Variants in LSAMP observed in about 807,000 individuals in gnomAD.
LSAMP encodes the protein limbic system-associated membrane protein.
A neutral mutation model predicts 38.6 loss-of-function variants in LSAMP; 7 were observed. The ratio of observed to expected loss-of-function variants is 0.18; its 90% confidence interval spans 0.10 to 0.34. The LOEUF (loss-of-function observed/expected upper bound fraction) is 0.34, where lower values mean the gene tolerates loss of function less well. Ranked by LOEUF, LSAMP falls within the 10% of genes least tolerant of loss-of-function variation. The pLI is 1.00. For synonymous variants in LSAMP, 154 were observed against 166.8 expected (o/e 0.92, Z 0.59); for missense variants, 313 against 420.0 (o/e 0.75, Z 2.23).
chr3:116,349,770 G>A (rs1031791077), intron 1 of LSAMP, among the ~76,000 whole-genome samples: 2 of 151,952 alleles, frequency 1.3e-5, no homozygotes, highest in Non-Finnish European at 2.9e-5. Context: ...TTCCAATGAG[G>A]CAACGATGGT....
chr3:116,039,211 T>G (rs1384060423), intron 2 of LSAMP, among the ~76,000 whole-genome samples: 2 of 152,212 alleles, frequency 1.3e-5, no homozygotes, highest in East Asian at 1.9e-4. Flanking sequence ...TGTTTTCACA[T>G]AAGCAAATCT....
chr3:116,428,359 G>A (rs1448660088), intron 1 of LSAMP, among the ~76,000 whole-genome samples: 1 of 152,144 alleles, frequency 6.6e-6, no homozygotes, highest in African/African-American at 2.4e-5. Context: ...TCAGGAGGCT[G>A]AGGCAGGAGA....
intron 1 of LSAMP, among the ~76,000 whole-genome samples, chr3:116,162,689 T>G (rs1313681117): frequency 4.0e-5 from 6 of 149,386 alleles, no homozygotes; most frequent in African/African-American, 1.5e-4. Context: ...TCTCTCTCTC[T>G]CTCTCTATAT....
rs950782687 is a variant in LSAMP at position 115,806,672 on chromosome 3, G to T, written c.*3645C>A. On this transcript the variant is annotated 3_prime_UTR_variant, in exon 7 of 7. Transcript: ENST00000490035. ...ACTATGTAGTAAAAAAATGCCCATG[G>T]CAAGCGAGAAGTCTGTCTGACTTGG... is the stretch of plus-strand genomic sequence containing the variant. 4 of 152,178 alleles carry T rather than the reference G, an allele frequency of 2.6e-5. No homozygotes were observed. Among genetic ancestry groups the T allele is most frequent in the African/African-American group, 9.7e-5 (4 of 41,430 alleles). The allele number at this position is 152,178 out of a possible 1,614,324, so 9.4% of individuals were successfully genotyped here.
intron 1 of LSAMP, among the ~76,000 whole-genome samples, chr3:116,115,634 A>C (rs1708723695): frequency 6.6e-6 from 1 of 152,106 alleles, no homozygotes; most frequent in Non-Finnish European, 1.5e-5. Context: ...TATTTTATGA[A>C]TTTTGTATCT....
chr3:115,990,456 G>C (rs1488968281), intron 3 of LSAMP, among the ~76,000 whole-genome samples: 3 of 152,028 alleles, frequency 2.0e-5, no homozygotes, highest in Non-Finnish European at 2.9e-5. Flanking sequence ...CTGTGACCTA[G>C]TAGTAGGCAT....
chr3:116,003,239 T>C (rs555474945), intron 3 of LSAMP, among the ~76,000 whole-genome samples: 1 of 152,326 alleles, frequency 6.6e-6, no homozygotes, highest in African/African-American at 2.4e-5. Context: ...AAATGTAGGT[T>C]AGCCTACTTC....
At chr3:115,922,598 T>C (rs190801092) in intron 3 of LSAMP, among the ~76,000 whole-genome samples, 372 of 152,260 alleles carry the variant, frequency 2.4e-3, no homozygotes, top group African/African-American at 8.5e-3. Flanking sequence ...CCTTGGGCCA[T>C]GTTTTCTTGT....
chr3:115,915,725 C>T (rs549632728), intron 3 of LSAMP, among the ~76,000 whole-genome samples: 10 of 152,058 alleles, frequency 6.6e-5, no homozygotes, highest in East Asian at 3.9e-4. Context: ...TTCCGCCTCC[C>T]GGGTTCAAGC....
At chr3:116,102,082 T>G (rs1054779020) in intron 1 of LSAMP, among the ~76,000 whole-genome samples, 1 of 152,146 alleles carries the variant, frequency 6.6e-6, no homozygotes, top group Non-Finnish European at 1.5e-5. Flanking sequence ...TAGCAATTAT[T>G]TTTTCCTGTA....
chr3:116,051,097 C>T (rs954096705), intron 2 of LSAMP: 5 of 152,098 alleles, frequency 3.3e-5, no homozygotes, highest in African/African-American at 1.2e-4. Flanking sequence ...TTTTCCCCTC[C>T]AGAGGTAATG....
chr3:115,857,069 A>G (rs1935528988), intron 3 of LSAMP, among the ~76,000 whole-genome samples: 2 of 152,136 alleles, frequency 1.3e-5, no homozygotes, highest in African/African-American at 4.8e-5. Context: ...TCTGCTGTTG[A>G]AGGACTGCAC....
At chr3:116,011,795 TA>T (rs1283345303) in intron 3 of LSAMP, among the ~76,000 whole-genome samples, 1 of 152,230 alleles carries the variant, frequency 6.6e-6, no homozygotes, top group Non-Finnish European at 1.5e-5. Context: ...GGATCATTCT[TA>T]CCTTTCTGGC....
chr3:115,916,044 AT>A (rs909420783), intron 3 of LSAMP, among the ~76,000 whole-genome samples: 1 of 151,694 alleles, frequency 6.6e-6, no homozygotes, highest in African/African-American at 2.4e-5. Flanking sequence ...CATGAGTGAG[AT>A]TTTTTTTTAC....
At chr3:116,277,950 A>G (rs1228071814) in intron 1 of LSAMP, among the ~76,000 whole-genome samples, 1 of 152,226 alleles carries the variant, frequency 6.6e-6, no homozygotes, top group African/African-American at 2.4e-5. Flanking sequence ...TGTCACTGCA[A>G]TGTCTAATAA....
At chr3:115,824,287 A>G (rs1022629689) in intron 6 of LSAMP, among the ~76,000 whole-genome samples, 4 of 152,200 alleles carry the variant, frequency 2.6e-5, no homozygotes, top group Admixed American at 2.0e-4. Context: ...TTAAAGAAGA[A>G]ACAGGTTTCT....
intron 1 of LSAMP, among the ~76,000 whole-genome samples, chr3:116,209,889 T>C (rs1361712079): frequency 2.0e-5 from 3 of 152,104 alleles, no homozygotes; most frequent in Non-Finnish European, 4.4e-5. Context: ...TAGCTGGGAC[T>C]ACAGGCATCC....
intron 1 of LSAMP, among the ~76,000 whole-genome samples, chr3:116,235,031 G>GA (rs11379571): frequency 0.71 from 108,463 of 151,910 alleles, 40,410 homozygotes; most frequent in South Asian, 0.84. Flanking sequence ...TATTTCCACA[G>GA]AAAAAATATT....
chr3:116,234,791 A>T (rs1403360268), intron 1 of LSAMP, among the ~76,000 whole-genome samples: 1 of 152,148 alleles, frequency 6.6e-6, no homozygotes, highest in Non-Finnish European at 1.5e-5. Context: ...TAATTTTTAC[A>T]GATTTTTTTT....
Sources: allele counts gnomAD v4.1 joint callset (sites outside exome capture counted in the v4.1 genomes callset), GRCh38; gene constraint gnomAD v4.1.1; transcripts MANE v1.5; gene names NCBI Gene and HGNC (gene_info 2026-07-23, HGNC 2026-07-21).